KCNMA1: variants seen among roughly 807,000 people sequenced by gnomAD.
KCNMA1 encodes potassium calcium-activated channel subfamily M alpha 1, also known as Calcium-activated potassium channel subunit alpha-1.
KCNMA1 carries 29 observed loss-of-function variants against 140.0 expected under a neutral mutation model. The ratio of observed to expected loss-of-function variants is 0.21; its 90% confidence interval spans 0.15 to 0.28. The LOEUF (loss-of-function observed/expected upper bound fraction) is 0.28. KCNMA1 is among the 10% of genes least tolerant of loss of function. The pLI is 1.00. For synonymous variants in KCNMA1, 612 were observed against 611.9 expected (o/e 1.00, Z 0.00); for missense variants, 880 against 1,602.2 (o/e 0.55, Z 7.70).
chr10:77,515,420 AC>A (rs1408011731), intron 1 of KCNMA1, among the ~76,000 whole-genome samples: 22 of 152,208 alleles, frequency 1.4e-4, no homozygotes, highest in African/African-American at 5.3e-4. Flanking sequence ...TAAACCAAAC[AC>A]ACCTGTAGAC....
intron 2 of KCNMA1, among the ~76,000 whole-genome samples, chr10:77,366,100 C>A (rs919780911): frequency 2.8e-4 from 43 of 151,702 alleles, no homozygotes; most frequent in Non-Finnish European, 5.3e-4. Context: ...AGGTACTATG[C>A]ATGTTCTTTC....
chr10:76,935,720 A>T (rs984088712), intron 23 of KCNMA1, among the ~76,000 whole-genome samples: 1 of 152,216 alleles, frequency 6.6e-6, no homozygotes, highest in African/African-American at 2.4e-5. Flanking sequence ...AGTTCAGTCC[A>T]ACCCCAAGAC....
At chr10:77,385,451 C>T (rs1178757112) in intron 2 of KCNMA1, among the ~76,000 whole-genome samples, 4 of 152,334 alleles carry the variant, frequency 2.6e-5, no homozygotes, top group African/African-American at 9.6e-5. Flanking sequence ...TGCATAATAA[C>T]CCTATGAGGT....
chr10:77,126,886 C>T (rs983126612), intron 5 of KCNMA1, among the ~76,000 whole-genome samples: 2 of 152,120 alleles, frequency 1.3e-5, no homozygotes, highest in Non-Finnish European at 2.9e-5. Context: ...CAGGCATGGG[C>T]ATTAAATCCT....
intron 3 of KCNMA1, among the ~76,000 whole-genome samples, chr10:77,227,255 T>C (rs191895749): frequency 7.9e-5 from 12 of 152,308 alleles, no homozygotes; most frequent in African/African-American, 2.9e-4. Flanking sequence ...GAAAAGCAAT[T>C]GATCACTTTC....
exon 30 of KCNMA1, chr10:76,877,863 T>A: frequency 6.2e-7 from 1 of 1,610,690 alleles, no homozygotes; most frequent in Non-Finnish European, 8.5e-7. Flanking sequence ...ATAGGCATTA[T>A]CCGGTTCATC....
chr10:77,092,306 C>T (rs1260607516), intron 9 of KCNMA1: 2 of 152,218 alleles, frequency 1.3e-5, no homozygotes, highest in Non-Finnish European at 2.9e-5. Context: ...TGTACATTTA[C>T]ATGGACAAAA....
At chr10:76,884,025 A>G (rs1164766611), downstream of KCNMA1, 1 of 977,548 alleles carries the variant, frequency 1.0e-6, no homozygotes, top group Non-Finnish European at 1.2e-6. Context: ...AAGTCCAGGA[A>G]AACCTCAAAA....
chr10:77,218,466 T>A (rs1423365554), intron 3 of KCNMA1, among the ~76,000 whole-genome samples: 3 of 152,262 alleles, frequency 2.0e-5, no homozygotes, highest in Non-Finnish European at 4.4e-5. Context: ...CCTGAAGACG[T>A]GTCTCCTGGT....
At chr10:77,365,090 G>A (rs2154404277) in intron 2 of KCNMA1, among the ~76,000 whole-genome samples, 1 of 152,282 alleles carries the variant, frequency 6.6e-6, no homozygotes, top group South Asian at 2.1e-4. Flanking sequence ...GGGCACAGCT[G>A]GGGAGTAATT....
At chr10:77,229,401 T>C (rs1268294982) in intron 3 of KCNMA1, among the ~76,000 whole-genome samples, 2 of 151,502 alleles carry the variant, frequency 1.3e-5, no homozygotes, top group African/African-American at 4.8e-5. Flanking sequence ...GTAACAATAA[T>C]TTAAAAGCAG....
intron 3 of KCNMA1, among the ~76,000 whole-genome samples, chr10:77,231,483 A>C (rs2053569689): frequency 1.3e-5 from 2 of 152,222 alleles, no homozygotes; most frequent in African/African-American, 4.8e-5. Context: ...CAACTCTCCG[A>C]TAAGCTTCTA....
At chr10:77,012,406 A>G in intron 17 of KCNMA1, 2 of 1,541,784 alleles carry the variant, frequency 1.3e-6, no homozygotes, top group Non-Finnish European at 1.8e-6. Flanking sequence ...TTGGTGGGGA[A>G]GTTAAATACA....
chr10:77,439,519 A>G (rs1180992729), intron 1 of KCNMA1, among the ~76,000 whole-genome samples: 1 of 152,126 alleles, frequency 6.6e-6, no homozygotes, highest in African/African-American at 2.4e-5. Context: ...ACACATCCCA[A>G]CCAGCTCTGA....
intron 2 of KCNMA1, among the ~76,000 whole-genome samples, chr10:77,286,733 C>T (rs1601315751): frequency 7.2e-6 from 1 of 138,484 alleles, no homozygotes; most frequent in African/African-American, 2.7e-5. Context: ...TAAGTCTTTG[C>T]AAATTTGACT....
intron 5 of KCNMA1, among the ~76,000 whole-genome samples, chr10:77,146,701 C>CAAAAAAAAAAAAAA (rs5786266): frequency 3.3e-4 from 21 of 64,184 alleles, no homozygotes; most frequent in East Asian, 8.0e-4. Context: ...GACTTCATCT[C>CAAAAAAAAAAAAAA]AAAAAAAAAA....
downstream of KCNMA1, among the ~76,000 whole-genome samples, chr10:76,883,682 T>C (rs545961683): frequency 6.6e-6 from 1 of 152,158 alleles, no homozygotes; most frequent in Admixed American, 6.6e-5. Flanking sequence ...GTATATACTT[T>C]ATTTTCAAAG....
intron 1 of KCNMA1, among the ~76,000 whole-genome samples, chr10:77,447,755 C>A (rs2154517375): frequency 6.6e-6 from 1 of 152,276 alleles, no homozygotes; most frequent in South Asian, 2.1e-4. Flanking sequence ...AATGATGGCT[C>A]ACTTAAGAAG....
At chr10:77,636,569 C>T (rs2093761200) in intron 1 of KCNMA1, 1 of 1,536,044 alleles carries the variant, frequency 6.5e-7, no homozygotes, top group African/African-American at 1.4e-5. Context: ...CACTAGAGCA[C>T]CTAAGGGACG....
Sources: allele counts gnomAD v4.1 joint callset (sites outside exome capture counted in the v4.1 genomes callset), GRCh38; gene constraint gnomAD v4.1.1; transcripts MANE v1.5; gene names NCBI Gene and HGNC (gene_info 2026-07-23, HGNC 2026-07-21).